PLXNC1: variants seen among roughly 807,000 people sequenced by gnomAD.
The protein encoded by PLXNC1 is plexin C1, also known as plexin-C1.
A neutral mutation model predicts 178.2 loss-of-function variants in PLXNC1; 75 were observed. The observed-to-expected ratio is 0.42, with a 90% CI of 0.35 to 0.51. The LOEUF is 0.51. PLXNC1 is among the 20% of genes least tolerant of loss of function. PLXNC1 has a pLI of 0.02. For synonymous variants in PLXNC1, 790 were observed against 779.9 expected (o/e 1.01, Z -0.22); for missense variants, 1,503 against 1,984.4 (o/e 0.76, Z 4.61).
chr12:94,285,605 AT>A (rs1396828961), intron 23 of PLXNC1, among the ~76,000 whole-genome samples: 2 of 152,170 alleles, frequency 1.3e-5, no homozygotes, highest in Non-Finnish European at 2.9e-5. Context: ...AAAAGTGTGC[AT>A]TCTTGGGCTC....
chr12:94,186,340 T>C (rs763658699), intron 3 of PLXNC1, 33 bp from the exon 4 acceptor site: 2 of 1,473,140 alleles, frequency 1.4e-6, no homozygotes, highest in Non-Finnish European at 1.9e-6. Flanking sequence ...TTGCTTATAA[T>C]TCCATCTGAA....
At chr12:94,165,817 C>T (rs1961587397) in intron 1 of PLXNC1, among the ~76,000 whole-genome samples, 1 of 152,016 alleles carries the variant, frequency 6.6e-6, no homozygotes, top group South Asian at 2.1e-4. Flanking sequence ...CATCTTGAAT[C>T]TCATGGAAAC....
Position 94,247,900 on chromosome 12 carries a change from C to A in PLXNC1, c.2389-3C>A. 6.2e-7 allele frequency: 1 copy of A among 1,612,978 alleles called. No homozygotes were observed. Among genetic ancestry groups the A allele is most frequent in the South Asian group, 1.1e-5 (1 of 90,962 alleles). ...ACTAAAACATTCTTTTCTTTTTGTC[C>A]AGGTCTCTGAATATTGTGTGGCGAC... On this transcript the variant is annotated splice_polypyrimidine_tract_variant and splice_region_variant and intron_variant, in intron 12 of 30. Coordinates refer to ENST00000258526, the MANE Select transcript of PLXNC1 (RefSeq NM_005761.3).
At chr12:94,177,384 A>G (rs1443285679) in intron 2 of PLXNC1, among the ~76,000 whole-genome samples, 1 of 151,192 alleles carries the variant, frequency 6.6e-6, no homozygotes, top group East Asian at 1.9e-4. Context: ...CCCAGCATCT[A>G]TGGCTATCAG....
At chr12:94,207,075 T>A (rs1465350557) in intron 4 of PLXNC1, among the ~76,000 whole-genome samples, 1 of 152,250 alleles carries the variant, frequency 6.6e-6, no homozygotes, top group East Asian at 1.9e-4. Context: ...CATGAAGATT[T>A]TATAATCTGC....
intron 4 of PLXNC1, among the ~76,000 whole-genome samples, chr12:94,207,308 T>C (rs1447077983): frequency 6.6e-6 from 1 of 152,122 alleles, no homozygotes; most frequent in African/African-American, 2.4e-5. Context: ...TTATGCAGAA[T>C]AAAAAATGAA....
chr12:94,187,784 A>G (rs1024245344), intron 4 of PLXNC1, among the ~76,000 whole-genome samples: 4 of 152,166 alleles, frequency 2.6e-5, no homozygotes, highest in Admixed American at 6.5e-5. Context: ...CGTATTAACA[A>G]GCTCAGCTCT....
intron 17 of PLXNC1, among the ~76,000 whole-genome samples, chr12:94,257,316 G>C (rs987677786): frequency 6.6e-6 from 1 of 152,172 alleles, no homozygotes; most frequent in South Asian, 2.1e-4. Flanking sequence ...AGGAGGCCAG[G>C]GTTCTTTGCT....
chr12:94,186,803 C>T lies in PLXNC1; in HGVS notation c.1439+330C>T, dbSNP rs139472556. 388 of 247,282 alleles carry T rather than the reference C, an allele frequency of 1.6e-3. 1 individual carries two copies. The highest frequency in any genetic ancestry group is 8.1e-3 in the African/African-American group (369 of 45,822). The allele number at this position is 247,282 out of a possible 1,614,324, so 15.3% of individuals were successfully genotyped here. On this transcript the variant is annotated intron_variant, in intron 4 of 30. Coordinates refer to ENST00000258526, the MANE Select transcript of PLXNC1 (RefSeq NM_005761.3). ...TCAAGAGAGAGGCAAAAGGGCCCCC[C>T]CTCCGAGAAGATAAAAGAATAGAGA...
chr12:94,293,156 C>T (rs1052500611), intron 23 of PLXNC1, among the ~76,000 whole-genome samples: 4 of 152,028 alleles, frequency 2.6e-5, no homozygotes, highest in Non-Finnish European at 5.9e-5. Context: ...ACCCATGTGG[C>T]GTGTAACAGT....
intron 21 of PLXNC1, among the ~76,000 whole-genome samples, chr12:94,265,706 A>G (rs1192621381): frequency 6.6e-6 from 1 of 152,226 alleles, no homozygotes; most frequent in African/African-American, 2.4e-5. Flanking sequence ...GATTAGTTAC[A>G]AATGTTTGGT....
At chr12:94,294,672 A>G (rs1967729141) in intron 24 of PLXNC1, 132 bp downstream of exon 24, 2 of 569,478 alleles carry the variant, frequency 3.5e-6, no homozygotes, top group Non-Finnish European at 3.3e-6. Flanking sequence ...AAGTTGAGAA[A>G]AGTCATTTTG....
chr12:94,207,545 C>A (rs1388161345), intron 4 of PLXNC1, among the ~76,000 whole-genome samples: 1 of 151,946 alleles, frequency 6.6e-6, no homozygotes, highest in East Asian at 1.9e-4. Context: ...TTATTGAAAC[C>A]CTAGTATTTG....
chr12:94,295,891 T>C (rs779931265), intron 24 of PLXNC1, among the ~76,000 whole-genome samples: 11 of 152,168 alleles, frequency 7.2e-5, no homozygotes, highest in Non-Finnish European at 1.3e-4. Context: ...GCAGATGACT[T>C]CACCCTGCAC....
rs538503591 is a variant in PLXNC1 at position 94,226,866 on chromosome 12, A to T, written c.1893+159A>T. Among the ~76,000 whole-genome samples, 12 of 152,274 alleles carry T rather than the reference A, an allele frequency of 7.9e-5. No individual in the cohort carries two copies. The South Asian group carries it at 2.5e-3, about 32-fold the overall frequency. On this transcript the variant is annotated intron_variant, in intron 8 of 30. Transcript: ENST00000258526. ...TGGCAAAACCCTGCCTCTACTAAAA[A>T]TACAAAGTTAGTGGGGTGTGGTGGC...
chr12:94,244,132 A>G (rs1837964531), intron 12 of PLXNC1, 107 bp downstream of exon 12: 1 of 578,978 alleles, frequency 1.7e-6, no homozygotes, highest in African/African-American at 1.9e-5. Context: ...CTTTGGTGTT[A>G]TAAACTTTTA....
chr12:94,277,735 G>A (rs1286166879), intron 21 of PLXNC1: 3 of 348,254 alleles, frequency 8.6e-6, no homozygotes, highest in African/African-American at 6.4e-5. Context: ...TTGCAAATGA[G>A]TGGATACTAA....
intron 1 of PLXNC1, among the ~76,000 whole-genome samples, chr12:94,159,736 G>A (rs547242858): frequency 6.6e-6 from 1 of 152,306 alleles, no homozygotes; most frequent in South Asian, 2.1e-4. Context: ...CCTAAATAAC[G>A]GCTGCCCTGT....
At chr12:94,175,982 C>G (rs1313596939) in intron 2 of PLXNC1, among the ~76,000 whole-genome samples, 14 of 152,166 alleles carry the variant, frequency 9.2e-5, no homozygotes, top group Non-Finnish European at 2.1e-4. Context: ...ATGTTGGAGA[C>G]TTGAAAGATA....
Sources: gnomAD v4.1 joint callset for allele counts (sites outside exome capture counted in the v4.1 genomes callset) on GRCh38, gnomAD v4.1.1 for gene constraint, MANE v1.5 for transcripts, NCBI Gene and HGNC (gene_info 2026-07-23, HGNC 2026-07-21) for gene names.